MSR1: variants seen among roughly 807,000 people sequenced by gnomAD.
MSR1 encodes the protein macrophage scavenger receptor 1.
A neutral mutation model predicts 47.2 loss-of-function variants in MSR1; 53 were observed. That is an observed-to-expected ratio of 1.12 (90% CI 0.90 to 1.41). The LOEUF is 1.41. Ranked by LOEUF, MSR1 falls within the 40% of genes most tolerant of loss-of-function variation. The pLI is 0.00. For synonymous variants in MSR1, 239 were observed against 185.6 expected (o/e 1.29, Z -2.34); for missense variants, 786 against 546.9 (o/e 1.44, Z -4.36).
chr8:16,108,658 A>T lies in MSR1; in HGVS notation c.*1427T>A, dbSNP rs1257215035. ...CTTAACCACAAAATTATGCTGCCAG[A>T]GAAAATCAGCAATGTTAAACAAGTA... On this transcript the variant is annotated 3_prime_UTR_variant, in exon 10 of 10. Transcript: ENST00000262101. 1 of 152,166 alleles carries T rather than the reference A, an allele frequency of 6.6e-6. No homozygotes were observed. The highest frequency in any genetic ancestry group is 1.9e-4 in the East Asian group (1 of 5,186). 9.4% of individuals were successfully genotyped at this position (152,166 alleles called of 1,614,324 possible).
chr8:16,134,939 T>A (rs1032441099), intron 8 of MSR1, among the ~76,000 whole-genome samples: 3 of 152,158 alleles, frequency 2.0e-5, no homozygotes, highest in Admixed American at 1.3e-4. Context: ...CTCTCTTCAA[T>A]TCTATGGAGG....
At chr8:16,119,977 A>C (rs1208022217) in intron 9 of MSR1, among the ~76,000 whole-genome samples, 1 of 151,242 alleles carries the variant, frequency 6.6e-6, no homozygotes, top group African/African-American at 2.4e-5. Context: ...CAGCCTCCCA[A>C]AGTGCTGGGA....
intron 9 of MSR1, among the ~76,000 whole-genome samples, chr8:16,117,860 T>C (rs530822382): frequency 4.7e-4 from 72 of 152,266 alleles, no homozygotes; most frequent in African/African-American, 1.7e-3. Flanking sequence ...TAATAAGTTG[T>C]ATAATCATTT....
At chr8:16,170,965 G>A (rs1034043727) in intron 3 of MSR1, among the ~76,000 whole-genome samples, 1 of 152,004 alleles carries the variant, frequency 6.6e-6, no homozygotes, top group Admixed American at 6.5e-5. Flanking sequence ...AGAGTCCACC[G>A]TATTTACTAC....
intron 3 of MSR1, among the ~76,000 whole-genome samples, chr8:16,169,609 G>A (rs1485717898): frequency 6.6e-6 from 1 of 151,938 alleles, no homozygotes; most frequent in African/African-American, 2.4e-5. Context: ...TTAAACTCTA[G>A]GATTTTGGTG....
intron 5 of MSR1, among the ~76,000 whole-genome samples, chr8:16,160,923 G>A (rs1801142266): frequency 6.6e-6 from 1 of 151,404 alleles, no homozygotes; most frequent in African/African-American, 2.4e-5. Flanking sequence ...TTTATCCCAA[G>A]ACTAATGAGA....
At chr8:16,117,956 C>G (rs998666587) in intron 9 of MSR1, among the ~76,000 whole-genome samples, 4 of 152,148 alleles carry the variant, frequency 2.6e-5, no homozygotes, top group African/African-American at 9.7e-5. Flanking sequence ...CTTCTCCCAT[C>G]CCTGGTCTGT....
intron 2 of MSR1, among the ~76,000 whole-genome samples, chr8:16,176,237 TGGCTCACGC>T (rs1296676015): frequency 5.3e-5 from 8 of 152,204 alleles, no homozygotes; most frequent in African/African-American, 1.9e-4. Context: ...CTGGATGCAG[TGGCTCACGC>T]CTGTAATCCC....
At chr8:16,172,558 G>C (rs1801516207) in intron 3 of MSR1, among the ~76,000 whole-genome samples, 2 of 152,054 alleles carry the variant, frequency 1.3e-5, no homozygotes, top group South Asian at 4.1e-4. Flanking sequence ...ACAACCTACG[G>C]ACAGGGTTAT....
rs908475649 is a variant in MSR1, at chr8:16,175,203, G to A, written c.201C>T (p.Leu67=). The A allele has an allele frequency of 1.9e-6, 3 of 1,613,908 alleles. No homozygotes were observed. Among genetic ancestry groups the A allele is most frequent in the Non-Finnish European group, 2.5e-6 (3 of 1,179,870 alleles). ...YLLVFAVLIP[L]IGIVAAQLLK... ...TTACGTTACCTGCCACTATTCCAAT[G>A]AGAGGGATGAGAACTGCAAACACGA... The change falls in exon 3 of 10, where the codon CTC becomes CTT. Residue 67 remains leucine (L), a synonymous_variant. Transcript: ENST00000262101.
At chr8:16,115,882 G>A (rs1799867060) in intron 9 of MSR1, among the ~76,000 whole-genome samples, 1 of 152,102 alleles carries the variant, frequency 6.6e-6, no homozygotes, top group Non-Finnish European at 1.5e-5. Context: ...GAGAAACTCT[G>A]CAGGCTAAGG....
chr8:16,148,685 C>A (rs534846052), intron 7 of MSR1, among the ~76,000 whole-genome samples: 7 of 151,978 alleles, frequency 4.6e-5, no homozygotes, highest in South Asian at 2.1e-4. Context: ...TCAAGTGATC[C>A]GCCCACCTCA....
rs773953029 is a variant in MSR1 at position 16,150,280 on chromosome 8, T to A, written c.930A>T (p.Ala310=). 3 of 1,569,988 alleles carry A rather than the reference T, an allele frequency of 1.9e-6. No individual in the cohort carries two copies. Among genetic ancestry groups the A allele is most frequent in the Non-Finnish European group, 8.7e-7 (1 of 1,155,450 alleles). ...GTCCTCGACTTCCAGGAAAGCCAAT[T>A]GCTCCCCGATCACCTTTAAGACCCG... The part of the protein sequence containing the change: ...GPPGLKGDRG[A]IGFPGSRGLP... Residue 310 remains alanine (A), a synonymous_variant, in exon 7 of 10, where the codon GCA becomes GCT. Coordinates refer to ENST00000262101, the MANE Select transcript of MSR1 (RefSeq NM_138715.3).
intron 8 of MSR1, among the ~76,000 whole-genome samples, chr8:16,143,069 T>C (rs528960427): frequency 5.0e-4 from 76 of 152,276 alleles, no homozygotes; most frequent in African/African-American, 1.8e-3. Context: ...GTGAAATCTA[T>C]TCTGTTGTAG....
intron 1 of MSR1, among the ~76,000 whole-genome samples, chr8:16,191,466 G>C (rs946627379): frequency 6.6e-6 from 1 of 152,070 alleles, no homozygotes; most frequent in African/African-American, 2.4e-5. Flanking sequence ...TTTGTAAATT[G>C]CCTGGTACAC....
intron 8 of MSR1, among the ~76,000 whole-genome samples, chr8:16,134,868 T>C (rs962626758): frequency 2.0e-5 from 3 of 152,188 alleles, no homozygotes; most frequent in Non-Finnish European, 2.9e-5. Context: ...GGCCTTCATA[T>C]ATGATCAAAA....
In MSR1 at chr8:16,168,544, T is replaced by C. The variant is rs1801384220; in HGVS notation, c.544A>G (p.Ser182Gly). The change falls in exon 4 of 10, where the codon AGT becomes GGT. Residue 182 changes from serine (S) to glycine (G), a missense_variant. Physicochemically the swap from Ser to Gly is moderately conservative, Grantham distance 56 (BLOSUM62 0). Coordinates refer to ENST00000262101, the MANE Select transcript of MSR1 (RefSeq NM_138715.3). ...AAATCAAGCAATGTGGTATTCAAAC[T>C]TATTAAGGACTTGGAGATTTCATCT... ...AIDEISKSLISLNTTLLDLQL... is the reference protein window; with the variant it reads ...AIDEISKSLIGLNTTLLDLQL... 2 of 1,614,042 alleles carry C rather than the reference T, an allele frequency of 1.2e-6. No homozygotes were observed. Among genetic ancestry groups the C allele is most frequent in the Non-Finnish European group, 1.7e-6 (2 of 1,180,016 alleles).
At chr8:16,139,629 T>A in intron 8 of MSR1, 1 of 973,450 alleles carries the variant, frequency 1.0e-6, no homozygotes, top group Non-Finnish European at 1.2e-6. Context: ...AGAATATTGG[T>A]ATTCTTTTTC....
chr8:16,120,690 T>A, intron 8 of MSR1, 84 bp from the exon 9 acceptor site: 1 of 1,451,852 alleles, frequency 6.9e-7, no homozygotes, highest in Admixed American at 2.6e-5. Context: ...CACTTTTTTT[T>A]TAAACACAAA....
Sources: gnomAD v4.1 joint callset for allele counts (sites outside exome capture counted in the v4.1 genomes callset) on GRCh38, gnomAD v4.1.1 for gene constraint, MANE v1.5 for transcripts, NCBI Gene and HGNC (gene_info 2026-07-23, HGNC 2026-07-21) for gene names.